Variants in TSPAN15 observed in about 807,000 individuals in gnomAD.
TSPAN15 encodes the protein tetraspanin 15.
Under a neutral mutation model 34.5 loss-of-function variants are expected in TSPAN15, and 20 were observed. That is an observed-to-expected ratio of 0.58 (90% CI 0.41 to 0.84). The LOEUF (loss-of-function observed/expected upper bound fraction) is 0.84. Among genes scored for constraint, TSPAN15 ranks in the 40% least tolerant of loss-of-function variants. The probability of loss-of-function intolerance (pLI) is 0.00; values close to 1 mark genes in which losing one functional copy is unlikely to be tolerated. For synonymous variants in TSPAN15, 155 were observed against 153.9 expected, an observed-to-expected ratio of 1.01 and a Z score of -0.05; for missense variants, 313 against 386.1, an observed-to-expected ratio of 0.81 and a Z score of 1.59.
chr10:69,487,749 A>G (rs922476644), intron 3 of TSPAN15, among the ~76,000 whole-genome samples: 1 of 152,208 alleles, frequency 6.6e-6, no homozygotes, highest in Non-Finnish European at 1.5e-5. Flanking sequence ...GGCTGAGATG[A>G]AGGCTTTGGC....
chr10:69,484,281 G>C (rs544794402), intron 2 of TSPAN15, among the ~76,000 whole-genome samples: 1 of 152,306 alleles, frequency 6.6e-6, no homozygotes, highest in Admixed American at 6.5e-5. Flanking sequence ...CCTGCCAGCC[G>C]GGGCTGCTCC....
chr10:69,481,216 T>A (rs1319535782), intron 1 of TSPAN15, among the ~76,000 whole-genome samples: 1 of 152,254 alleles, frequency 6.6e-6, no homozygotes, highest in Non-Finnish European at 1.5e-5. Context: ...TGTCCTGCCT[T>A]CTAAGGCCAA....
chr10:69,457,079 C>T (rs890443063), intron 1 of TSPAN15, among the ~76,000 whole-genome samples: 7 of 152,208 alleles, frequency 4.6e-5, no homozygotes, highest in Non-Finnish European at 7.3e-5. Context: ...CTGACACATG[C>T]GCCCTCAGCC....
chr10:69,517,298 T>C, the TSPAN15 span, among the ~76,000 whole-genome samples: 1 of 152,262 alleles, frequency 6.6e-6, no homozygotes, highest in Middle Eastern at 3.4e-3. Context: ...ATAGAAAATA[T>C]CCACATCAAC....
At chr10:69,476,464 G>A (rs1841615397) in intron 1 of TSPAN15, among the ~76,000 whole-genome samples, 1 of 151,888 alleles carries the variant, frequency 6.6e-6, no homozygotes, top group African/African-American at 2.4e-5. Context: ...GGCTGAGATG[G>A]GAGGATCGCT....
the TSPAN15 span, among the ~76,000 whole-genome samples, chr10:69,514,349 A>G: frequency 6.6e-6 from 1 of 152,180 alleles, no homozygotes; most frequent in Non-Finnish European, 1.5e-5. Context: ...ACATTTTGGT[A>G]TCAGAGTCAT....
intron 3 of TSPAN15, chr10:69,494,841 C>T (rs1842043739): frequency 1.0e-6 from 1 of 985,624 alleles, no homozygotes; most frequent in Non-Finnish European, 1.2e-6. Context: ...GCTGCCCACG[C>T]TCCTGCCCCC....
At chr10:69,540,605 G>A in the TSPAN15 span, among the ~76,000 whole-genome samples, 2,310 of 152,240 alleles carry the variant, frequency 0.015, 63 homozygotes, top group African/African-American at 0.053. Context: ...TTGAAGGAGA[G>A]CTGGCTGCCC....
At chr10:69,547,617 C>T in the TSPAN15 span, among the ~76,000 whole-genome samples, 1 of 152,236 alleles carries the variant, frequency 6.6e-6, no homozygotes, top group South Asian at 2.1e-4. Flanking sequence ...TGGACTAAGA[C>T]CCAGAAACAG....
At chr10:69,502,896 A>G (rs1370376970) in intron 5 of TSPAN15, among the ~76,000 whole-genome samples, 1 of 152,176 alleles carries the variant, frequency 6.6e-6, no homozygotes, top group Non-Finnish European at 1.5e-5. Flanking sequence ...TATGTTCATT[A>G]TCTCCCTTTC....
At chr10:69,524,025 T>C in the TSPAN15 span, among the ~76,000 whole-genome samples, 3 of 148,468 alleles carry the variant, frequency 2.0e-5, no homozygotes, top group African/African-American at 4.9e-5. Flanking sequence ...TATTTTAACA[T>C]AAACATCTCT....
At chr10:69,474,946 G>C (rs1276014309) in intron 1 of TSPAN15, among the ~76,000 whole-genome samples, 2 of 152,140 alleles carry the variant, frequency 1.3e-5, no homozygotes, top group Admixed American at 6.5e-5. Context: ...GCGGGGTCTG[G>C]GGGGGCCTGG....
At position 69,506,838 on chromosome 10, in the gene TSPAN15, G is replaced by T. The variant is rs369951884; in HGVS notation, c.745G>T (p.Val249Leu). ...LGILLPQFLGVLLTLLYITRV... is the reference protein window; with the variant it reads ...LGILLPQFLGLLLTLLYITRV... ...TGCCCCTTCTTCTCAGTTCCTGGGG[G>T]TGCTGCTGACGCTGCTGTACATCAC... Residue 249 changes from valine to leucine, a missense_variant, in exon 8 of 8, where the codon GTG becomes TTG. Physicochemically the swap from Val to Leu is conservative, Grantham distance 32. Coordinates refer to ENST00000373290, the MANE Select transcript of TSPAN15 (RefSeq NM_012339.5). The surrounding 1 kb of genome is among the most constrained non-coding windows in gnomAD (Gnocchi z 4.7). The T allele has an allele frequency of 5.4e-5, 85 of 1,583,700 alleles. No individual in the cohort carries two copies. The highest frequency in any genetic ancestry group is 7.3e-5 in the Admixed American group (4 of 54,832).
chr10:69,494,997 C>T (rs1842047761), intron 3 of TSPAN15: 1 of 476,906 alleles, frequency 2.1e-6, no homozygotes, highest in Non-Finnish European at 2.7e-6. Context: ...CCGAGGGGGA[C>T]CGAGTGCTGC....
chr10:69,511,361 C>A (rs1842413001), downstream of TSPAN15, among the ~76,000 whole-genome samples: 2 of 152,214 alleles, frequency 1.3e-5, no homozygotes, highest in African/African-American at 4.8e-5. Flanking sequence ...AGTTTATTTG[C>A]ATAGAGGTGT....
At chr10:69,500,307 A>G (rs1248769055) in intron 5 of TSPAN15, among the ~76,000 whole-genome samples, 1 of 152,176 alleles carries the variant, frequency 6.6e-6, no homozygotes, top group Non-Finnish European at 1.5e-5. Context: ...TGAGGGGGCC[A>G]GGCCTTCACA....
chr10:69,497,177 A>C (rs537533276), intron 4 of TSPAN15, among the ~76,000 whole-genome samples: 6 of 152,150 alleles, frequency 3.9e-5, no homozygotes, highest in Non-Finnish European at 8.8e-5. Flanking sequence ...TGCCCTTTGA[A>C]CTACATTGCA....
chr10:69,526,136 A>C, the TSPAN15 span, among the ~76,000 whole-genome samples: 1 of 147,520 alleles, frequency 6.8e-6, no homozygotes, highest in Non-Finnish European at 1.5e-5. Context: ...GAGATATGAT[A>C]TAACCACAGA....
At chr10:69,546,085 G>A in the TSPAN15 span, among the ~76,000 whole-genome samples, 112 of 152,254 alleles carry the variant, frequency 7.4e-4, no homozygotes, top group African/African-American at 2.5e-3. Context: ...TTCCTAGTCC[G>A]TATTCTTCAC....
Sources: allele counts gnomAD v4.1 joint callset (sites outside exome capture counted in the v4.1 genomes callset), GRCh38; gene constraint gnomAD v4.1.1; non-coding constraint Gnocchi (gnomAD v3.1); transcripts MANE v1.5; gene names NCBI Gene and HGNC (gene_info 2026-07-23, HGNC 2026-07-21).